RTN4R: variants seen among roughly 807,000 people sequenced by gnomAD.
RTN4R encodes the protein reticulon 4 receptor.
RTN4R carries 4 observed loss-of-function variants against 27.7 expected under a neutral mutation model. That is an observed-to-expected ratio of 0.14 (90% CI 0.07 to 0.33). The LOEUF (loss-of-function observed/expected upper bound fraction) is 0.33. Among genes scored for constraint, RTN4R ranks in the 10% least tolerant of loss-of-function variants. RTN4R has a pLI of 1.00. For missense variants in RTN4R, 554 were observed against 671.5 expected, an observed-to-expected ratio of 0.83 and a Z score of 1.93; for synonymous variants, 290 against 305.6, an observed-to-expected ratio of 0.95 and a Z score of 0.53.
intron 1 of RTN4R, among the ~76,000 whole-genome samples, chr22:20,261,514 C>T (rs560859248): frequency 9.2e-5 from 14 of 152,318 alleles, no homozygotes; most frequent in South Asian, 6.2e-4. Context: ...TAGCCACGTG[C>T]GGACAGGGAG....
At chr22:20,247,266 C>G (rs1264885935) in intron 1 of RTN4R, among the ~76,000 whole-genome samples, 1 of 152,164 alleles carries the variant, frequency 6.6e-6, no homozygotes, top group East Asian at 1.9e-4. Context: ...TCAGGATCCT[C>G]TCGGACACCA....
chr22:20,260,638 G>A (rs928182202), intron 1 of RTN4R, among the ~76,000 whole-genome samples: 5 of 152,150 alleles, frequency 3.3e-5, no homozygotes, highest in African/African-American at 1.2e-4. Flanking sequence ...CCACGCCCGG[G>A]GGCAGGTGGC....
At chr22:20,259,925 T>G (rs1242228035) in intron 1 of RTN4R, among the ~76,000 whole-genome samples, 1 of 152,040 alleles carries the variant, frequency 6.6e-6, no homozygotes. Flanking sequence ...CAGGAAGAAT[T>G]TGCTAAGAGA....
At position 20,268,196 on chromosome 22, in the gene RTN4R, G is replaced by T; in HGVS notation, c.-104C>A. 1 of 407,550 alleles carries T rather than the reference G, an allele frequency of 2.5e-6. No individual in the cohort carries two copies. The highest frequency in any genetic ancestry group is 3.4e-6 in the Non-Finnish European group (1 of 292,324). The allele number at this position is 407,550 out of a possible 1,614,324, so 25.2% of individuals were successfully genotyped here. ...ATCCAGGCGCCGCCGCTACGGCCCG[G>T]CCCCGGCCCGGCCGCGGGACGAGGC... On this transcript the variant is annotated 5_prime_UTR_variant, in exon 1 of 2. Coordinates refer to ENST00000043402, the MANE Select transcript of RTN4R (RefSeq NM_023004.6).
chr22:20,268,305 CGGCGGCGCGGGGGTTGGGGCGTG>C (rs2051292996), exon 1 of RTN4R: 6 of 798 alleles, frequency 7.5e-3, no homozygotes, highest in Non-Finnish European at 0.013. Context: ...GCGAGGGCGG[CGGCGGCGCGGGGGTTGGGGCGTG>C]GGCGGCGCGG....
rs765070693 is a variant in RTN4R, at chr22:20,242,713, G to A, written c.420C>T (p.Cys140=). The change falls in exon 2 of 2, where the codon TGC becomes TGT. Residue 140 remains cysteine, a synonymous_variant. Coordinates refer to ENST00000043402, the MANE Select transcript of RTN4R (RefSeq NM_023004.6). ...GRLHTLHLDR[C]GLQELGPGLF... ...GCCCCGGGCCCAGCTCCTGCAGGCC[G>A]CAGCGGTCCAGGTGCAGCGTGTGTA... 1.2e-5 allele frequency: 20 copies of A among 1,612,256 alleles called. No individual in the cohort carries two copies. The highest frequency in any genetic ancestry group is 1.6e-4 in the Middle Eastern group (1 of 6,070).
rs374101734 is a variant in RTN4R, at chr22:20,241,630, C to T, written c.*81G>A. The T allele has an allele frequency of 1.3e-5, 19 of 1,511,534 alleles. No homozygotes were observed. The highest frequency in any genetic ancestry group is 6.1e-5 in the South Asian group (5 of 82,288). The allele number at this position is 1,511,534 out of a possible 1,614,324, so 93.6% of individuals were successfully genotyped here. A position where few individuals can be genotyped will look rare whatever the true frequency, so the allele number is the denominator to read the frequency against. ...CTGGCCTGCCCCACGGGTCGGCCGC[C>T]CGGCTGGCTTGGCGGCGTGGAGAGA... On this transcript the variant is annotated 3_prime_UTR_variant, in exon 2 of 2. Transcript: ENST00000043402.
At position 20,241,552 on chromosome 22, in the gene RTN4R, T is replaced by G; in HGVS notation, c.*159A>C. On this transcript the variant is annotated 3_prime_UTR_variant, in exon 2 of 2. Transcript: ENST00000043402. ...CTGCCGCCGAACCCTGTAAACATGATGGGGTGGAGATGGGGGTGGCGGGCG... is the reference window on the plus strand; with the variant it reads ...CTGCCGCCGAACCCTGTAAACATGAGGGGGTGGAGATGGGGGTGGCGGGCG... 1.4e-6 allele frequency: 1 copy of G among 723,386 alleles called. No homozygotes were observed. Among genetic ancestry groups the G allele is most frequent in the Admixed American group, 2.6e-5 (1 of 39,068 alleles). 44.8% of individuals were successfully genotyped at this position (723,386 alleles called of 1,614,324 possible). A position where few individuals can be genotyped will look rare whatever the true frequency, so the allele number is the denominator to read the frequency against.
At chr22:20,247,411 G>C (rs1295300039) in intron 1 of RTN4R, among the ~76,000 whole-genome samples, 1 of 151,916 alleles carries the variant, frequency 6.6e-6, no homozygotes, top group Admixed American at 6.5e-5. Context: ...CACCACAGAG[G>C]GTCAGGGCAC....
intron 1 of RTN4R, among the ~76,000 whole-genome samples, chr22:20,245,353 C>T (rs940853139): frequency 2.0e-5 from 3 of 152,250 alleles, no homozygotes; most frequent in Non-Finnish European, 4.4e-5. Context: ...CCCCTTGGGG[C>T]CTGCCCGCTG....
At chr22:20,245,003 T>C (rs2051131587) in intron 1 of RTN4R, among the ~76,000 whole-genome samples, 1 of 152,176 alleles carries the variant, frequency 6.6e-6, no homozygotes, top group Admixed American at 6.5e-5. Flanking sequence ...CCCGAAGCTG[T>C]GGGCTGTGAG....
At chr22:20,245,285 G>T (rs2051133837) in intron 1 of RTN4R, among the ~76,000 whole-genome samples, 2 of 152,212 alleles carry the variant, frequency 1.3e-5, no homozygotes, top group African/African-American at 4.8e-5. Flanking sequence ...ACTTCTGAGA[G>T]TCGGGTGAGG....
rs1008365617 is a variant in RTN4R, at chr22:20,242,399, G to A, written c.734C>T (p.Ala245Val). 1.2e-6 allele frequency: 2 copies of A among 1,613,090 alleles called. No individual in the cohort carries two copies. The highest frequency in any genetic ancestry group is 1.7e-5 in the Admixed American group (1 of 60,020). Residue 245 changes from alanine to valine, a missense_variant, in exon 2 of 2, where the codon GCC (alanine) becomes GTC (valine). Ala to Val is a moderately conservative substitution (Grantham distance 64). Coordinates refer to ENST00000043402, the MANE Select transcript of RTN4R (RefSeq NM_023004.6). ...ANNLSALPTE[A>V]LAPLRALQYL... ...CTGCAGGGCACGCAGGGGGGCCAGG[G>A]CCTCAGTGGGCAGCGCTGATAGATT...
At chr22:20,258,733 G>T (rs527604438) in intron 1 of RTN4R, among the ~76,000 whole-genome samples, 23 of 152,326 alleles carry the variant, frequency 1.5e-4, no homozygotes, top group South Asian at 8.3e-4. Flanking sequence ...GATGGAGACC[G>T]TCCTGCAACA....
intron 1 of RTN4R, among the ~76,000 whole-genome samples, chr22:20,250,439 T>G (rs2051169206): frequency 6.6e-6 from 1 of 152,236 alleles, no homozygotes; most frequent in African/African-American, 2.4e-5. Flanking sequence ...ACCTGGTTTG[T>G]GAGCAAGCCG....
In RTN4R at chr22:20,241,817, C is replaced by T. The variant is rs1189431152; in HGVS notation, c.1316G>A (p.Gly439Asp). The change falls in exon 2 of 2, where the codon GGC becomes GAC. Residue 439 changes from glycine to aspartate, a missense_variant. By Grantham distance (94) the Gly-to-Asp change is moderately conservative (BLOSUM62 -1). This residue lies in a region of RTN4R where 141 missense variants were observed against 129.2 expected (regional missense o/e 1.09). Transcript: ENST00000043402. The stretch of plus-strand genomic sequence containing the variant: ...TGAGCCTTCTGAGTCACCAGTCCCG[C>T]CACCCCCGCTGCCTGCCTGGCCCAG... ...CRLGQAGSGG[G>D]GTGDSEGSGA... is the part of the protein sequence containing the mutation. The T allele has an allele frequency of 6.3e-7, 1 of 1,588,698 alleles. No individual in the cohort carries two copies.
intron 1 of RTN4R, among the ~76,000 whole-genome samples, chr22:20,247,467 A>ACCCCCCCCCCCCCCCCCCCCCCC (rs2051148148): frequency 9.3e-6 from 1 of 108,070 alleles, no homozygotes; most frequent in African/African-American, 3.6e-5. Context: ...CCACTGACTC[A>ACCCCCCCCCCCCCCCCCCCCCCC]CTCCCCCCGC....
At chr22:20,261,035 C>A (rs2051243367) in intron 1 of RTN4R, among the ~76,000 whole-genome samples, 1 of 152,182 alleles carries the variant, frequency 6.6e-6, no homozygotes, top group African/African-American at 2.4e-5. Flanking sequence ...ACTAACGTGT[C>A]TCTCAGGATG....
At chr22:20,254,451 T>G (rs2051201232) in intron 1 of RTN4R, among the ~76,000 whole-genome samples, 1 of 148,406 alleles carries the variant, frequency 6.7e-6, no homozygotes, top group Admixed American at 6.8e-5. Flanking sequence ...ACAAAGAAGA[T>G]GCACTATGGT....
Sources: allele counts gnomAD v4.1 joint callset (sites outside exome capture counted in the v4.1 genomes callset), GRCh38; gene constraint gnomAD v4.1.1; regional missense constraint gnomAD v4.1.1; transcripts MANE v1.5; gene names NCBI Gene and HGNC (gene_info 2026-07-23, HGNC 2026-07-21).